The following NTRK3 variants were observed in gnomAD, a reference collection of about 807,000 sequenced individuals.
The protein encoded by NTRK3 is neurotrophic receptor tyrosine kinase 3.
A neutral mutation model predicts 91.7 loss-of-function variants in NTRK3; 24 were observed. The ratio of observed to expected loss-of-function variants is 0.26; its 90% CI spans 0.19 to 0.37. NTRK3 has a LOEUF of 0.37. NTRK3 is among the 10% of genes least tolerant of loss of function. The pLI, the probability that NTRK3 is intolerant of heterozygous loss-of-function variation, is 1.00. For synonymous variants in NTRK3, 483 were observed against 404.0 expected, an observed-to-expected ratio of 1.20 and a Z score of -2.34; for missense variants, 880 against 1,068.9, an observed-to-expected ratio of 0.82 and a Z score of 2.46.
Position 88,183,407 on chromosome 15 carries a change from G to A in NTRK3, c.395+11C>T, listed in dbSNP as rs1247659061. Reference sequence around the variant, plus strand: ...ATGTGCCCCCAATCCCTGCAGCCCAGCTCTACTCACATATAACGCAAATGG... The same window carrying A: ...ATGTGCCCCCAATCCCTGCAGCCCAACTCTACTCACATATAACGCAAATGG... On this transcript the variant is annotated intron_variant, in intron 5 of 18. Transcript: ENST00000394480. The A allele has an allele frequency of 1.9e-6, 3 of 1,613,726 alleles. No individual in the cohort carries two copies. In the African/African-American group the frequency reaches 4.0e-5, roughly 22 times the overall value.
At chr15:88,113,586 G>C (rs1486303628) in intron 13 of NTRK3, among the ~76,000 whole-genome samples, 1 of 152,172 alleles carries the variant, frequency 6.6e-6, no homozygotes, top group African/African-American at 2.4e-5. Flanking sequence ...AAAGTGCTGG[G>C]ATTATAGGCA....
At chr15:88,081,555 G>A (rs1010014243) in intron 13 of NTRK3, among the ~76,000 whole-genome samples, 5 of 152,296 alleles carry the variant, frequency 3.3e-5, no homozygotes, top group South Asian at 2.1e-4. Context: ...TGGGCTGGTC[G>A]TGGACACTCC....
Position 88,233,489 on chromosome 15 carries a change from C to T in NTRK3, c.248+22417G>A, listed in dbSNP as rs906603390. ...GTTAGCACACTGAAACCACAGTTAGCATCCTCGAAAGAGCAAATCCCAAGA... is the reference window on the plus strand; with the variant it reads ...GTTAGCACACTGAAACCACAGTTAGTATCCTCGAAAGAGCAAATCCCAAGA... On this transcript the variant is annotated intron_variant, in intron 3 of 18. Coordinates refer to ENST00000394480, the Ensembl canonical transcript of NTRK3. This position sits in a 1 kb window ranked among gnomAD's most constrained non-coding sequence, Gnocchi z 4.2. Among the ~76,000 whole-genome samples, 1 of 152,156 alleles carries T rather than the reference C, an allele frequency of 6.6e-6. No individual in the cohort carries two copies. The highest frequency in any genetic ancestry group is 2.4e-5 in the African/African-American group (1 of 41,424).
chr15:88,061,337 G>T (rs2046194063), intron 13 of NTRK3, among the ~76,000 whole-genome samples: 1 of 152,176 alleles, frequency 6.6e-6, no homozygotes, highest in South Asian at 2.1e-4. Flanking sequence ...CGAGGAGGGA[G>T]CCCTGCCACG....
chr15:87,929,106 G>A (rs2141906209), intron 17 of NTRK3, 85 bp downstream of exon 17: 1 of 1,603,498 alleles, frequency 6.2e-7, no homozygotes, highest in Non-Finnish European at 8.5e-7. Flanking sequence ...GTGCCAGAGT[G>A]ACAGGGTTAA....
intron 11 of NTRK3, among the ~76,000 whole-genome samples, 180 bp downstream of exon 11, chr15:88,128,531 G>C (rs1430220204): frequency 6.6e-6 from 1 of 152,054 alleles, no homozygotes; most frequent in East Asian, 1.9e-4. Context: ...AAGAAAAGTG[G>C]GCTTGGAACT....
intron 13 of NTRK3, among the ~76,000 whole-genome samples, chr15:88,082,554 C>T (rs76154330): frequency 0.015 from 2,214 of 152,296 alleles, 14 homozygotes; most frequent in Middle Eastern, 0.048. Context: ...TGACTTCCAT[C>T]CACATTGATT....
At chr15:88,256,734 AAGT>A in exon 1 of NTRK3, 1 of 341,814 alleles carries the variant, frequency 2.9e-6, no homozygotes, top group Middle Eastern at 7.4e-4. Context: ...AGAAATGTAC[AAGT>A]GCTCCGAGCC....
intron 14 of NTRK3, chr15:87,981,194 T>G (rs1371967097): frequency 5.1e-6 from 8 of 1,555,040 alleles, no homozygotes; most frequent in Non-Finnish European, 2.6e-6. Flanking sequence ...GGATCTTTAC[T>G]GCATACAAAG....
chr15:88,131,691 T>C (rs1252046357), intron 10 of NTRK3, among the ~76,000 whole-genome samples: 1 of 152,248 alleles, frequency 6.6e-6, no homozygotes, highest in East Asian at 1.9e-4. Context: ...GTTAGCCAAA[T>C]GTTTTGGTCA....
In NTRK3 at chr15:88,102,731, C is replaced by A. The variant is rs1451771043; in HGVS notation, c.1396+23540G>T. On this transcript the variant is annotated intron_variant, in intron 13 of 18. Transcript: ENST00000394480. ...TGTGCCATCCCCCTCCGAAATCTCC[C>A]CAAGAAGATTCTACCATAGCTGAAT... 2.6e-5 allele frequency among the ~76,000 whole-genome samples: 4 copies of A among 152,250 alleles called. No homozygotes were observed. The East Asian group carries it at 7.7e-4, about 29-fold the overall frequency.
At chr15:88,212,951 C>T (rs563235246) in intron 3 of NTRK3, among the ~76,000 whole-genome samples, 113 of 152,336 alleles carry the variant, frequency 7.4e-4, no homozygotes, top group African/African-American at 2.6e-3. Flanking sequence ...GTCACTGCAC[C>T]GATGCCCACG....
At chr15:87,874,779 C>T (rs949068110) in exon 19 of NTRK3, 1 of 232,118 alleles carries the variant, frequency 4.3e-6, no homozygotes, top group Non-Finnish European at 8.5e-6. Context: ...GAACTCACAG[C>T]CCCGGCATAA....
chr15:87,956,518 C>T (rs2071673694), intron 14 of NTRK3, among the ~76,000 whole-genome samples: 1 of 151,980 alleles, frequency 6.6e-6, no homozygotes, highest in Admixed American at 6.6e-5. Context: ...AGGTGATCCA[C>T]CCGCCTAAGC....
chr15:88,083,379 T>C (rs899878142), intron 13 of NTRK3, among the ~76,000 whole-genome samples: 27 of 152,146 alleles, frequency 1.8e-4, no homozygotes, highest in African/African-American at 6.3e-4. Context: ...CCCACCACCA[T>C]GCCCAGCTAA....
chr15:88,082,377 A>T (rs559694521), intron 13 of NTRK3, among the ~76,000 whole-genome samples: 1 of 152,250 alleles, frequency 6.6e-6, no homozygotes, highest in Admixed American at 6.5e-5. Context: ...TAATGAACAG[A>T]TCACATACAT....
chr15:88,096,712 A>T (rs1032522665), intron 13 of NTRK3, among the ~76,000 whole-genome samples: 4 of 152,222 alleles, frequency 2.6e-5, no homozygotes, highest in Admixed American at 1.3e-4. Flanking sequence ...CAGTCCCTGC[A>T]TCTGCAGTGG....
chr15:87,988,617 T>G (rs916207678), intron 14 of NTRK3, among the ~76,000 whole-genome samples: 3 of 152,192 alleles, frequency 2.0e-5, no homozygotes, highest in Non-Finnish European at 4.4e-5. Flanking sequence ...TACTTTAAAT[T>G]TTCATTCAGA....
chr15:87,980,059 TAG>T (rs1267667757), intron 14 of NTRK3, among the ~76,000 whole-genome samples: 2 of 152,170 alleles, frequency 1.3e-5, no homozygotes, highest in East Asian at 3.9e-4. Flanking sequence ...GTGGAAGGTT[TAG>T]AGAGTAACGG....
Sources: gnomAD v4.1 joint callset for allele counts (sites outside exome capture counted in the v4.1 genomes callset) on GRCh38, gnomAD v4.1.1 for gene constraint, Gnocchi (gnomAD v3.1) non-coding constraint, MANE v1.5 for transcripts, NCBI Gene and HGNC (gene_info 2026-07-23, HGNC 2026-07-21) for gene names.